Variants in C11orf65 observed in about 807,000 individuals in gnomAD.
C11orf65 encodes protein MFI.
In C11orf65, 38 loss-of-function variants were observed where a neutral mutation model predicts 35.3. That is an observed-to-expected ratio of 1.08 (90% confidence interval 0.83 to 1.41). The LOEUF (loss-of-function observed/expected upper bound fraction) is 1.41. C11orf65 is among the 40% of genes most tolerant of loss of function. C11orf65 has a pLI of 0.00. For synonymous variants in C11orf65, 105 were observed against 114.4 expected, an observed-to-expected ratio of 0.92 and a Z score of 0.53; for missense variants, 370 against 367.1, an observed-to-expected ratio of 1.01 and a Z score of -0.06.
intron 6 of C11orf65, among the ~76,000 whole-genome samples, chr11:108,398,328 T>C (rs977262221): frequency 6.6e-6 from 1 of 152,182 alleles, no homozygotes; most frequent in Non-Finnish European, 1.5e-5. Flanking sequence ...ACAGATTACA[T>C]GTAGGCACTA....
intron 2 of C11orf65, among the ~76,000 whole-genome samples, chr11:108,352,683 TAAAC>T (rs2089355199): frequency 6.6e-6 from 1 of 152,216 alleles, no homozygotes; most frequent in Non-Finnish European, 1.5e-5. Flanking sequence ...GGCAAATGCT[TAAAC>T]AAACTGTGTT....
intron 6 of C11orf65, among the ~76,000 whole-genome samples, chr11:108,395,225 T>C (rs2138457841): frequency 6.6e-6 from 1 of 152,018 alleles, no homozygotes; most frequent in East Asian, 1.9e-4. Flanking sequence ...GGATGGTGGC[T>C]CATGCCTGCA....
intron 7 of C11orf65, among the ~76,000 whole-genome samples, chr11:108,389,996 T>C (rs1238932072): frequency 1.4e-5 from 2 of 144,804 alleles, no homozygotes; most frequent in African/African-American, 5.1e-5. Context: ...GCCTGGCTGG[T>C]TTTTTTTTTA....
At chr11:108,399,642 T>C (rs1159974817) in intron 6 of C11orf65, among the ~76,000 whole-genome samples, 1 of 152,202 alleles carries the variant, frequency 6.6e-6, no homozygotes. Flanking sequence ...TAAGTAGTGG[T>C]TGCAGGAGTA....
rs923563286 is a variant in C11orf65 at position 108,383,313 on chromosome 11, C to A, written c.788-138G>T. ...ATATCTTCACCTGAAACCAGAAACACCCCAAATTTCTGAGTTCATCCCACT... is the reference window on the plus strand; with the variant it reads ...ATATCTTCACCTGAAACCAGAAACAACCCAAATTTCTGAGTTCATCCCACT... On this transcript the variant is annotated intron_variant, in intron 8 of 8. Transcript: ENST00000393084. 1.7e-4 allele frequency: 124 copies of A among 711,108 alleles called. No individual in the cohort carries two copies. In the African/African-American group the frequency reaches 2.1e-3, roughly 12 times the overall value. The allele number at this position is 711,108 out of a possible 1,614,324, so 44.0% of individuals were successfully genotyped here.
At chr11:108,418,483 T>C (rs1185783645) in intron 3 of C11orf65, among the ~76,000 whole-genome samples, 1 of 152,090 alleles carries the variant, frequency 6.6e-6, no homozygotes, top group Non-Finnish European at 1.5e-5. Flanking sequence ...AAATATGACA[T>C]ATCAAAACTT....
intron 6 of C11orf65, among the ~76,000 whole-genome samples, chr11:108,399,956 C>A (rs537236122): frequency 2.3e-4 from 35 of 152,280 alleles, no homozygotes; most frequent in African/African-American, 7.5e-4. Flanking sequence ...GTGATTCTCC[C>A]ATTAGGTCTC....
At chr11:108,327,096 G>A (rs2085754160), downstream of C11orf65, among the ~76,000 whole-genome samples, 1 of 152,164 alleles carries the variant, frequency 6.6e-6, no homozygotes, top group African/African-American at 2.4e-5. Flanking sequence ...TGAAAGTGCT[G>A]GGATTACAGG....
chr11:108,358,178 T>A (rs1044169635), intron 2 of C11orf65, among the ~76,000 whole-genome samples: 8 of 151,388 alleles, frequency 5.3e-5, no homozygotes, highest in African/African-American at 2.0e-4. Context: ...TGCGATCAAC[T>A]GGAAGAAAGG....
chr11:108,405,486 C>G lies in C11orf65; in HGVS notation c.503G>C (p.Arg168Thr). Residue 168 changes from arginine (R) to threonine (T), a missense_variant, in exon 6 of 9, where the codon AGA becomes ACA. Transcript: ENST00000393084. Reference sequence around the variant, plus strand: ...TCTTTTCTTTTCCAAATCTTGCCTTCTCTTCAGTTTAGAGAAATGGAATTC... The same window carrying G: ...TCTTTTCTTTTCCAAATCTTGCCTTGTCTTCAGTTTAGAGAAATGGAATTC... ...ESEFHFSKLK[R>T]RQDLEKKRKL... is the part of the protein sequence containing the mutation. 1 of 1,613,700 alleles carries G rather than the reference C, an allele frequency of 6.2e-7. No individual in the cohort carries two copies. Among genetic ancestry groups the G allele is most frequent in the Non-Finnish European group, 8.5e-7 (1 of 1,179,810 alleles).
At chr11:108,377,955 C>T (rs1217978268), downstream of C11orf65, among the ~76,000 whole-genome samples, 1 of 151,480 alleles carries the variant, frequency 6.6e-6, no homozygotes, top group Non-Finnish European at 1.5e-5. Context: ...AGGAGAACTA[C>T]AAACCACTGC....
At chr11:108,431,719 T>C (rs1476461455) in intron 3 of C11orf65, 27 bp downstream of exon 3, 2 of 1,174,594 alleles carry the variant, frequency 1.7e-6, no homozygotes, top group East Asian at 2.5e-5. Flanking sequence ...AAATATAGGA[T>C]GCTATATCAA....
chr11:108,428,884 T>C (rs1352000071), intron 3 of C11orf65, among the ~76,000 whole-genome samples: 2 of 152,182 alleles, frequency 1.3e-5, no homozygotes, highest in East Asian at 3.9e-4. Flanking sequence ...TAGTGGCTCA[T>C]GCCTGTTATC....
chr11:108,373,397 C>T (rs1366300585), intron 2 of C11orf65, among the ~76,000 whole-genome samples: 1 of 152,182 alleles, frequency 6.6e-6, no homozygotes, highest in Non-Finnish European at 1.5e-5. Context: ...TGATGAAAAC[C>T]TTGGTTATCT....
intron 2 of C11orf65, chr11:108,355,339 T>A (rs2089768026): frequency 5.3e-6 from 1 of 189,340 alleles, no homozygotes; most frequent in Non-Finnish European, 1.1e-5. Flanking sequence ...CTGCTGGTGC[T>A]ACCTCAGTAC....
intron 3 of C11orf65, among the ~76,000 whole-genome samples, chr11:108,414,445 C>T (rs2092703566): frequency 6.6e-6 from 1 of 151,880 alleles, no homozygotes; most frequent in Admixed American, 6.6e-5. Context: ...TAACTCTATG[C>T]CCTCAAATTT....
At chr11:108,341,572 A>C (rs149956049) in intron 2 of C11orf65, among the ~76,000 whole-genome samples, 1 of 152,200 alleles carries the variant, frequency 6.6e-6, no homozygotes, top group African/African-American at 2.4e-5. Flanking sequence ...TTAAGACACA[A>C]AACAGTTCAA....
chr11:108,407,334 T>C (rs2092560083), intron 3 of C11orf65, among the ~76,000 whole-genome samples, 185 bp from the exon 4 acceptor site: 1 of 152,040 alleles, frequency 6.6e-6, no homozygotes, highest in Admixed American at 6.6e-5. Context: ...TTTTTTGAGA[T>C]GGGATTTCAC....
chr11:108,444,047 G>C (rs796470159), intron 2 of C11orf65, among the ~76,000 whole-genome samples: 1 of 152,026 alleles, frequency 6.6e-6, no homozygotes, highest in African/African-American at 2.4e-5. Context: ...TTTTTAAAAA[G>C]ATCAACAAAA....
Sources: allele counts gnomAD v4.1 joint callset (sites outside exome capture counted in the v4.1 genomes callset), GRCh38; gene constraint gnomAD v4.1.1; transcripts MANE v1.5; gene names NCBI Gene and HGNC (gene_info 2026-07-23, HGNC 2026-07-21).